The following TNRC18 variants were observed in gnomAD, a reference collection of about 807,000 sequenced individuals.
TNRC18 encodes trinucleotide repeat-containing gene 18 protein.
Under a neutral mutation model 226.7 loss-of-function variants are expected in TNRC18, and 69 were observed. That is an observed-to-expected ratio of 0.30 (90% CI 0.25 to 0.37). The LOEUF is 0.37. TNRC18 is among the 10% of genes least tolerant of loss of function. TNRC18 has a pLI of 1.00. For missense variants in TNRC18, 4,754 were observed against 4,256.6 expected (o/e 1.12, Z -3.25); for synonymous variants, 2,449 against 1,927.6 (o/e 1.27, Z -7.09).
chr7:5,400,591 G>A (rs182968851), intron 2 of TNRC18, among the ~76,000 whole-genome samples: 14 of 152,114 alleles, frequency 9.2e-5, no homozygotes, highest in Admixed American at 2.0e-4. Flanking sequence ...CAGCCTGGGC[G>A]ACAGAGTGAG....
At chr7:5,339,695 G>A (rs1259155255) in intron 18 of TNRC18, among the ~76,000 whole-genome samples, 1 of 151,850 alleles carries the variant, frequency 6.6e-6, no homozygotes, top group Admixed American at 6.6e-5. Context: ...TCAGCCTCCA[G>A]AGTAGTTGGG....
In TNRC18 at chr7:5,321,029, G is replaced by C. The variant is rs58545464; in HGVS notation, c.6560+44C>G. On this transcript the variant is annotated intron_variant, in intron 22 of 29. Coordinates refer to ENST00000430969, the MANE Select transcript of TNRC18 (RefSeq NM_001080495.3). ...CAGAGGCGGCCGGGACACGGGGCGG[G>C]TATGGGACACGGGGCTCTGTGCCGG... The C allele has an allele frequency of 1.4e-3, 1,903 of 1,386,254 alleles. 28 individuals are homozygous for C. The African/African-American group carries it at 0.024, about 18-fold the overall frequency. 85.9% of individuals were successfully genotyped at this position (1,386,254 alleles called of 1,614,324 possible). A position where few individuals can be genotyped will look rare whatever the true frequency, so the allele number is the denominator to read the frequency against.
At chr7:5,409,790 C>T (rs1354471668) in intron 2 of TNRC18, among the ~76,000 whole-genome samples, 1 of 130,064 alleles carries the variant, frequency 7.7e-6, no homozygotes, top group Non-Finnish European at 1.6e-5. Flanking sequence ...TCGTGGCTAA[C>T]ATGGTGAAAC....
chr7:5,314,250 G>A (rs187935418), intron 26 of TNRC18, among the ~76,000 whole-genome samples: 174 of 152,190 alleles, frequency 1.1e-3, no homozygotes, highest in Middle Eastern at 0.01. Context: ...GAGAATAGGC[G>A]TGGACCACTG....
chr7:5,307,909 G>C lies in TNRC18; in HGVS notation c.*197C>G. The C allele has an allele frequency of 1.7e-6, 1 of 599,040 alleles. No individual in the cohort carries two copies. The allele number at this position is 599,040 out of a possible 1,614,324, so 37.1% of individuals were successfully genotyped here. A position where few individuals can be genotyped will look rare whatever the true frequency, so the allele number is the denominator to read the frequency against. ...ACTGAGGGGTTGGAAGGTGGGGCTG[G>C]AGGCATGTGCACATGCGTGCACACA... On this transcript the variant is annotated 3_prime_UTR_variant, in exon 30 of 30. Coordinates refer to ENST00000430969, the MANE Select transcript of TNRC18 (RefSeq NM_001080495.3).
intron 2 of TNRC18, among the ~76,000 whole-genome samples, chr7:5,405,267 A>G (rs1282195531): frequency 2.6e-5 from 4 of 152,124 alleles, no homozygotes. Context: ...GTCTCTACTA[A>G]AAATACAAAA....
chr7:5,388,934 AC>A lies in TNRC18; in HGVS notation c.889del (p.Val297TrpfsTer293). On this transcript the variant is annotated frameshift_variant, in exon 5 of 30. Coordinates refer to ENST00000430969, the MANE Select transcript of TNRC18 (RefSeq NM_001080495.3). LOFTEE classifies it high-confidence loss of function. ...GGCACCCCCGCGCCCCGCTTCGGCC[AC>A]CAGCGCGGGCAGCCCCACGTCCCCG... ...GAGDVGLPAL[V>X]AEAGRGGAKE... 1 of 1,380,954 alleles carries A rather than the reference AC, an allele frequency of 7.2e-7. No homozygotes were observed. 85.5% of individuals were successfully genotyped at this position (1,380,954 alleles called of 1,614,324 possible).
intron 17 of TNRC18, 132 bp from the exon 18 acceptor site, chr7:5,345,942 G>C: frequency 3.8e-6 from 5 of 1,310,622 alleles, no homozygotes; most frequent in South Asian, 1.5e-5. Context: ...GCCGCTGGGG[G>C]TGGATGCAGA....
At chr7:5,371,441 C>T in intron 10 of TNRC18, 77 bp from the exon 11 acceptor site, 1 of 1,425,784 alleles carries the variant, frequency 7.0e-7, no homozygotes, top group East Asian at 2.5e-5. Context: ...CGCCCACCAC[C>T]CCAGACAGAG....
chr7:5,377,692 T>G lies in TNRC18; in HGVS notation c.2256-116A>C. ...CCAGGCCATGAGTCAGGACAACCAC[T>G]GCTCGGAACTGAAGGGCCTCCCGGG... On this transcript the variant is annotated intron_variant, in intron 6 of 29. Coordinates refer to ENST00000430969, the MANE Select transcript of TNRC18 (RefSeq NM_001080495.3). This position sits in a 1 kb window ranked among gnomAD's most constrained non-coding sequence, Gnocchi z 5.8. 8.3e-7 allele frequency: 1 copy of G among 1,210,896 alleles called. No individual in the cohort carries two copies. Among genetic ancestry groups the G allele is most frequent in the South Asian group, 1.5e-5 (1 of 67,524 alleles). The allele number at this position is 1,210,896 out of a possible 1,614,324, so 75.0% of individuals were successfully genotyped here.
rs1305450138 is a variant in TNRC18 at position 5,394,679 on chromosome 7, C to T, written c.188-84G>A. Reference sequence around the variant, plus strand: ...AGCCCACCGCCCCGACCCACCGCCCCGAGACCGCCGCCTCTCCCCAGCTGT... The same window carrying T: ...AGCCCACCGCCCCGACCCACCGCCCTGAGACCGCCGCCTCTCCCCAGCTGT... On this transcript the variant is annotated intron_variant, in intron 2 of 29. Transcript: ENST00000430969. This position sits in a 1 kb window ranked among gnomAD's most constrained non-coding sequence, Gnocchi z 4.5. 6 of 1,038,758 alleles carry T rather than the reference C, an allele frequency of 5.8e-6. No individual in the cohort carries two copies. Among genetic ancestry groups the T allele is most frequent in the African/African-American group, 5.0e-5 (3 of 60,504 alleles). The allele number at this position is 1,038,758 out of a possible 1,614,324, so 64.3% of individuals were successfully genotyped here. A position where few individuals can be genotyped will look rare whatever the true frequency, so the allele number is the denominator to read the frequency against.
chr7:5,417,816 A>C (rs985535352), intron 2 of TNRC18, among the ~76,000 whole-genome samples: 7 of 152,160 alleles, frequency 4.6e-5, no homozygotes, highest in African/African-American at 1.7e-4. Context: ...AATCGTCCTT[A>C]TCTCTCCATC....
At chr7:5,345,517 G>GCCTGC in intron 18 of TNRC18, 45 bp downstream of exon 18, 1 of 377,744 alleles carries the variant, frequency 2.6e-6, no homozygotes, top group South Asian at 4.4e-5. Flanking sequence ...AATGGCGTCC[G>GCCTGC]CCCCTCCCAC....
At chr7:5,392,961 G>A (rs953653520) in intron 3 of TNRC18, among the ~76,000 whole-genome samples, 1 of 152,138 alleles carries the variant, frequency 6.6e-6, no homozygotes, top group Non-Finnish European at 1.5e-5. Context: ...GCAGTGAGCT[G>A]AGATTGCACC....
At chr7:5,316,137 G>C (rs1306080039) in intron 24 of TNRC18, 65 bp from the exon 25 acceptor site, 3 of 1,320,514 alleles carry the variant, frequency 2.3e-6, no homozygotes, top group Non-Finnish European at 3.2e-6. Flanking sequence ...ACGCACAAGG[G>C]TCAGGATGGC....
intron 18 of TNRC18, 45 bp downstream of exon 18, chr7:5,345,517 G>GGGGGGCCCCCCCCCCCCCCCCCC: frequency 2.6e-6 from 1 of 377,744 alleles, no homozygotes; most frequent in Non-Finnish European, 4.8e-6. Context: ...AATGGCGTCC[G>GGGGGGCCCCCCCCCCCCCCCCCC]CCCCTCCCAC....
In TNRC18 at chr7:5,312,806, C is replaced by G. The variant is rs772881053; in HGVS notation, c.8085G>C (p.Ala2695=). The change falls in exon 27 of 30, where the codon GCG becomes GCC. Residue 2695 remains alanine (A), a synonymous_variant. Coordinates refer to ENST00000430969, the MANE Select transcript of TNRC18 (RefSeq NM_001080495.3). This position sits in a 1 kb window ranked among gnomAD's most constrained non-coding sequence, Gnocchi z 6.3. ...TGGCCTTGGTGGGGAGCGCCGCCTG[C>G]GCGGAAGGGCCAGCCGTGGGGGCGG... ...AAPAPTAGPS[A]QAALPTKATK... The G allele has an allele frequency of 6.5e-7, 1 of 1,534,064 alleles. No homozygotes were observed. The highest frequency in any genetic ancestry group is 2.1e-5 in the Admixed American group (1 of 47,968).
chr7:5,423,778 C>T lies in TNRC18; in HGVS notation c.-581G>A, dbSNP rs1430747479. 6.7e-6 allele frequency among the ~76,000 whole-genome samples: 1 copy of T among 150,050 alleles called. No homozygotes were observed. Among genetic ancestry groups the T allele is most frequent in the African/African-American group, 2.5e-5 (1 of 40,792 alleles). On this transcript the variant is annotated 5_prime_UTR_variant, in exon 1 of 30. Transcript: ENST00000430969. ...GAATCCCAAATCTCCATATACAGCC[C>T]GGGATTGGAAAAGGTACATTACACA... is the stretch of plus-strand genomic sequence containing the variant.
chr7:5,313,327 C>T lies in TNRC18; in HGVS notation c.7564G>A (p.Asp2522Asn), dbSNP rs764918789. 8.4e-6 allele frequency: 13 copies of T among 1,552,214 alleles called. No individual in the cohort carries two copies. Among genetic ancestry groups the T allele is most frequent in the South Asian group, 3.6e-5 (3 of 84,322 alleles). Residue 2522 changes from aspartate (D) to asparagine (N), a missense_variant, in exon 27 of 30, where the codon GAC becomes AAC. Asp to Asn is a conservative substitution (Grantham distance 23, BLOSUM62 1). Coordinates refer to ENST00000430969, the MANE Select transcript of TNRC18 (RefSeq NM_001080495.3). ...CCGGGCTCCTGGGCGAGGTCCCCGTCGGTGGCCTTGGGCCAGGGTGCCTTG... is the reference window on the plus strand; with the variant it reads ...CCGGGCTCCTGGGCGAGGTCCCCGTTGGTGGCCTTGGGCCAGGGTGCCTTG... ...EPKAPWPKAT[D>N]GDLAQEPGPG...
Sources: gnomAD v4.1 joint callset for allele counts (sites outside exome capture counted in the v4.1 genomes callset) on GRCh38, gnomAD v4.1.1 for gene constraint, Gnocchi (gnomAD v3.1) non-coding constraint, MANE v1.5 for transcripts, NCBI Gene and HGNC (gene_info 2026-07-23, HGNC 2026-07-21) for gene names.